The following HYDIN variants were observed in gnomAD, a reference collection of about 807,000 sequenced individuals.
HYDIN encodes the protein axonemal central pair apparatus protein HYDIN.
HYDIN carries 132 observed loss-of-function variants against 403.9 expected under a neutral mutation model. The observed-to-expected ratio is 0.33, with a 90% CI of 0.28 to 0.38. HYDIN has a LOEUF of 0.38. Among genes scored for constraint, HYDIN ranks in the 10% least tolerant of loss-of-function variants. The pLI is 1.00. For missense variants in HYDIN, 2,827 were observed against 5,009.5 expected (o/e 0.56, Z 13.15); for synonymous variants, 1,202 against 1,891.7 (o/e 0.64, Z 9.46).
intron 40 of HYDIN, among the ~76,000 whole-genome samples, chr16:70,954,579 C>G (rs1439959896): frequency 1.3e-5 from 2 of 152,022 alleles, no homozygotes; most frequent in Non-Finnish European, 2.9e-5. Flanking sequence ...TACATGACAT[C>G]GCTCTCTCCT....
rs1265364688 is a variant in HYDIN at position 70,818,502 on chromosome 16, C to T, written c.14498G>A (p.Gly4833Asp). 1.4e-6 allele frequency: 2 copies of T among 1,450,464 alleles called. No homozygotes were observed. Among genetic ancestry groups the T allele is most frequent in the Non-Finnish European group, 1.9e-6 (2 of 1,049,094 alleles). 89.8% of individuals were successfully genotyped at this position (1,450,464 alleles called of 1,614,324 possible). A position where few individuals can be genotyped will look rare whatever the true frequency, so the allele number is the denominator to read the frequency against. The change falls in exon 84 of 86, where the codon GGC becomes GAC. Residue 4833 changes from glycine to aspartate, a missense_variant. Gly to Asp is a moderately conservative substitution (Grantham distance 94, BLOSUM62 -1). Transcript: ENST00000393567. ...YNVSFRVIPS[G>D]IIKTIEMVTP... ...CACCATCTCGATGGTTTTGATGATGCCTGAAGGGATGACCCTGAAACTCAC... is the reference window on the plus strand; with the variant it reads ...CACCATCTCGATGGTTTTGATGATGTCTGAAGGGATGACCCTGAAACTCAC...
chr16:70,832,715 C>T (rs1597070900), intron 80 of HYDIN, 133 bp downstream of exon 80: 2 of 630,366 alleles, frequency 3.2e-6, no homozygotes, highest in East Asian at 5.4e-5. Context: ...ATGAATATTC[C>T]AGCAGTGGAA....
intron 10 of HYDIN, among the ~76,000 whole-genome samples, chr16:71,099,163 G>C (rs375299230): frequency 4.0e-5 from 6 of 149,612 alleles, no homozygotes; most frequent in African/African-American, 1.5e-4. Context: ...GAAGTCCCCA[G>C]ATGCAACAGA....
intron 1 of HYDIN, among the ~76,000 whole-genome samples, chr16:71,207,815 A>C (rs1192381094): frequency 6.6e-6 from 1 of 152,222 alleles, no homozygotes; most frequent in Non-Finnish European, 1.5e-5. Context: ...AAAGATCAAA[A>C]AGGAAAAAGT....
rs1007032147 is a variant in HYDIN at position 71,170,857 on chromosome 16, G to A, written c.516+4750C>T. The stretch of plus-strand genomic sequence containing the variant: ...TATGGGACTTGCTTCAAAATCTACT[G>A]GGGGAAGGGGCAGGACAGATGAAGC... On this transcript the variant is annotated intron_variant, in intron 5 of 85. Transcript: ENST00000393567. Among the ~76,000 whole-genome samples, 18 of 152,210 alleles carry A rather than the reference G, an allele frequency of 1.2e-4. No homozygotes were observed. The East Asian group carries it at 3.5e-3, about 29-fold the overall frequency.
intron 47 of HYDIN, among the ~76,000 whole-genome samples, chr16:70,911,597 T>C (rs1199110965): frequency 6.7e-5 from 10 of 148,580 alleles, no homozygotes; most frequent in African/African-American, 1.0e-4. Flanking sequence ...CTATGTGGGC[T>C]CTTTTTTGGT....
chr16:71,128,088 C>T (rs1597838477), intron 9 of HYDIN, among the ~76,000 whole-genome samples: 2 of 152,008 alleles, frequency 1.3e-5, no homozygotes, highest in South Asian at 4.2e-4. Flanking sequence ...CTCCAAAAGG[C>T]CTGTCCTGTG....
chr16:71,161,604 C>A (rs1356040817), intron 6 of HYDIN, among the ~76,000 whole-genome samples: 1 of 152,252 alleles, frequency 6.6e-6, no homozygotes, highest in Non-Finnish European at 1.5e-5. Context: ...GTCCCTCTCA[C>A]AGCTCACCAC....
Position 71,215,781 on chromosome 16 carries a change from T to TAA in HYDIN, c.-24+14779_-24+14780dup, listed in dbSNP as rs11450762. Among the ~76,000 whole-genome samples, 160 of 144,148 alleles carry TAA rather than the reference T, an allele frequency of 1.1e-3. 1 individual carries two copies. The highest frequency in any genetic ancestry group is 7.0e-3 in the Middle Eastern group (2 of 286). The allele number at this position is 144,148 out of a possible 152,430, so 94.6% of individuals were successfully genotyped here. On this transcript the variant is annotated intron_variant, in intron 1 of 85. Transcript: ENST00000393567. Reference sequence around the variant, plus strand: ...TTAAAGAACTCCTACAAAACAATATTAAAAAAAAAAACAGACAATCCAATA... The same window carrying TAA: ...TTAAAGAACTCCTACAAAACAATATTAAAAAAAAAAAAACAGACAATCCAATA...
intron 41 of HYDIN, among the ~76,000 whole-genome samples, chr16:70,944,179 A>G (rs1399728471): frequency 6.6e-6 from 1 of 152,236 alleles, no homozygotes; most frequent in African/African-American, 2.4e-5. Context: ...AACTGCACGC[A>G]GCTTTTCATT....
intron 73 of HYDIN, among the ~76,000 whole-genome samples, chr16:70,853,312 C>CAT (rs2038790119): frequency 6.7e-6 from 1 of 149,004 alleles, no homozygotes; most frequent in South Asian, 2.1e-4. Flanking sequence ...CGTTTTTTTT[C>CAT]TTTTTTTTTT....
intron 10 of HYDIN, among the ~76,000 whole-genome samples, chr16:71,114,411 A>G (rs984846919): frequency 6.6e-6 from 1 of 151,256 alleles, no homozygotes; most frequent in Admixed American, 6.6e-5. Context: ...TGTGCCTATC[A>G]TTCTTTGAGC....
chr16:70,925,181 T>C (rs1184263186), intron 45 of HYDIN, among the ~76,000 whole-genome samples: 1 of 152,050 alleles, frequency 6.6e-6, no homozygotes, highest in East Asian at 1.9e-4. Flanking sequence ...CTGTTCAATA[T>C]CTTGCCCTTG....
chr16:71,223,957 G>A (rs529598343), intron 1 of HYDIN, among the ~76,000 whole-genome samples: 1 of 152,170 alleles, frequency 6.6e-6, no homozygotes, highest in South Asian at 2.1e-4. Context: ...CTACCCAAAG[G>A]AAAAGAAGTC....
intron 10 of HYDIN, among the ~76,000 whole-genome samples, chr16:71,098,616 C>T (rs2083356688): frequency 6.6e-6 from 1 of 150,822 alleles, no homozygotes; most frequent in Non-Finnish European, 1.5e-5. Context: ...TGATTGAGAT[C>T]CAACTTTCAG....
At chr16:71,061,214 C>G (rs923826935) in intron 17 of HYDIN, among the ~76,000 whole-genome samples, 7 of 148,922 alleles carry the variant, frequency 4.7e-5, no homozygotes, top group African/African-American at 1.7e-4. Flanking sequence ...TGGGCTGCAT[C>G]TGTGCAGGGG....
chr16:71,201,889 TG>T (rs1477788505), intron 1 of HYDIN, among the ~76,000 whole-genome samples: 1 of 152,224 alleles, frequency 6.6e-6, no homozygotes, highest in African/African-American at 2.4e-5. Flanking sequence ...TATAAATAAT[TG>T]CAGTCCATCT....
chr16:70,882,609 TCCAGC>T, intron 60 of HYDIN, 46 bp downstream of exon 60: 1 of 1,345,784 alleles, frequency 7.4e-7, no homozygotes, highest in African/African-American at 1.4e-5. Flanking sequence ...GAGCCCTTTT[TCCAGC>T]TTTATGTGAA....
At chr16:71,134,971 C>T (rs1215354314) in intron 8 of HYDIN, among the ~76,000 whole-genome samples, 7 of 152,250 alleles carry the variant, frequency 4.6e-5, no homozygotes, top group South Asian at 2.1e-4. Context: ...GAAAGCACGT[C>T]GTAGACTCTT....
Sources: allele counts gnomAD v4.1 joint callset (sites outside exome capture counted in the v4.1 genomes callset), GRCh38; gene constraint gnomAD v4.1.1; transcripts MANE v1.5; gene names NCBI Gene and HGNC (gene_info 2026-07-23, HGNC 2026-07-21).